MCF2L: variants seen among roughly 807,000 people sequenced by gnomAD.
MCF2L encodes MCF.2 cell line derived transforming sequence like.
MCF2L carries 97 observed loss-of-function variants against 153.4 expected under a neutral mutation model. The observed-to-expected ratio is 0.63, with a 90% CI of 0.54 to 0.75. The LOEUF is 0.75. Ranked by LOEUF, MCF2L falls within the 30% of genes least tolerant of loss-of-function variation. The probability of loss-of-function intolerance (pLI) is 0.00; values close to 1 mark genes in which losing one functional copy is unlikely to be tolerated. For synonymous variants in MCF2L, 659 were observed against 632.2 expected, an observed-to-expected ratio of 1.04 and a Z score of -0.64; for missense variants, 1,347 against 1,495.2, an observed-to-expected ratio of 0.90 and a Z score of 1.64.
intron 2 of MCF2L, among the ~76,000 whole-genome samples, chr13:112,918,072 C>T (rs1295984448): frequency 1.3e-5 from 2 of 152,208 alleles, no homozygotes; most frequent in Non-Finnish European, 2.9e-5. Flanking sequence ...TTTGTCTTCA[C>T]CTAGTTGGGT....
intron 1 of MCF2L, among the ~76,000 whole-genome samples, chr13:112,997,422 C>T (rs1156870764): frequency 6.6e-6 from 1 of 152,228 alleles, no homozygotes; most frequent in Admixed American, 6.5e-5. Flanking sequence ...TCACCCATAG[C>T]TGGGACCCCG....
At chr13:112,957,272 T>C (rs2081769736) in intron 2 of MCF2L, 1 of 152,244 alleles carries the variant, frequency 6.6e-6, no homozygotes, top group Non-Finnish European at 1.5e-5. Context: ...CTTGGCATTT[T>C]CTGGGGCCCC....
At position 113,035,708 on chromosome 13, in the gene MCF2L, T is replaced by C. The variant is rs998840518; in HGVS notation, c.279-9563T>C. ...CCTCCCCGCGAAGCTCCTTGGAGGATGGAGATTTTAAGGTCTTACTGTGGT... is the reference window on the plus strand; with the variant it reads ...CCTCCCCGCGAAGCTCCTTGGAGGACGGAGATTTTAAGGTCTTACTGTGGT... On this transcript the variant is annotated intron_variant, in intron 3 of 29. Transcript: ENST00000535094. The surrounding 1 kb of genome is among the most constrained non-coding windows in gnomAD (Gnocchi z 4.4). 3.3e-5 allele frequency among the ~76,000 whole-genome samples: 5 copies of C among 152,236 alleles called. No individual in the cohort carries two copies. The highest frequency in any genetic ancestry group is 1.2e-4 in the African/African-American group (5 of 41,552).
At chr13:112,973,346 A>G (rs2082115021) in intron 1 of MCF2L, among the ~76,000 whole-genome samples, 1 of 152,166 alleles carries the variant, frequency 6.6e-6, no homozygotes, top group African/African-American at 2.4e-5. Flanking sequence ...TGTAACATGA[A>G]ATTTAGGTCT....
chr13:113,091,244 C>T (rs949795281), intron 26 of MCF2L: 16 of 1,299,242 alleles, frequency 1.2e-5, no homozygotes, highest in Admixed American at 2.3e-5. Flanking sequence ...TGGCAGGAAG[C>T]GCGGCCCAGC....
At chr13:112,954,811 C>A (rs1385044549) in intron 2 of MCF2L, among the ~76,000 whole-genome samples, 1 of 152,208 alleles carries the variant, frequency 6.6e-6, no homozygotes, top group African/African-American at 2.4e-5. Context: ...AAGAGAAAAG[C>A]AATCCTGAAT....
chr13:112,899,941 C>T (rs555946821), intron 1 of MCF2L, among the ~76,000 whole-genome samples: 56 of 152,256 alleles, frequency 3.7e-4, no homozygotes, highest in Non-Finnish European at 4.7e-4. Flanking sequence ...AGAGAAACAG[C>T]GGAACAGCCC....
intron 13 of MCF2L, 62 bp downstream of exon 13, chr13:113,077,273 A>C: frequency 1.4e-6 from 2 of 1,441,258 alleles, no homozygotes; most frequent in Non-Finnish European, 1.8e-6. Context: ...CCGGGCGTTG[A>C]GAGCTTGGTA....
At chr13:112,939,715 C>T (rs976628661) in intron 2 of MCF2L, among the ~76,000 whole-genome samples, 7 of 152,326 alleles carry the variant, frequency 4.6e-5, no homozygotes, top group Middle Eastern at 3.4e-3. Context: ...CAGTGGCTCA[C>T]GCCTGTAATC....
intron 4 of MCF2L, among the ~76,000 whole-genome samples, chr13:113,056,921 C>T (rs1275731528): frequency 1.3e-3 from 51 of 38,968 alleles, no homozygotes; most frequent in African/African-American, 5.5e-3. Flanking sequence ...CTGAGTGTTT[C>T]GGCGCTGAGT....
intron 1 of MCF2L, chr13:113,002,111 G>T: frequency 8.7e-7 from 1 of 1,152,614 alleles, no homozygotes; most frequent in Non-Finnish European, 1.2e-6. Flanking sequence ...GCAGAAGCCC[G>T]GGGCTGGGGG....
Position 113,098,700 on chromosome 13 carries a change from A to G in MCF2L, c.*1841A>G, listed in dbSNP as rs1022613993. The G allele has an allele frequency of 1.3e-5, 2 of 152,388 alleles. No homozygotes were observed. Among genetic ancestry groups the G allele is most frequent in the East Asian group, 3.9e-4 (2 of 5,184 alleles). 9.4% of individuals were successfully genotyped at this position (152,388 alleles called of 1,614,324 possible). A position where few individuals can be genotyped will look rare whatever the true frequency, so the allele number is the denominator to read the frequency against. On this transcript the variant is annotated 3_prime_UTR_variant, in exon 30 of 30. Coordinates refer to ENST00000535094, the MANE Select transcript of MCF2L (RefSeq NM_001112732.3). ...CAGCGTGCGGCTCAGGCACCGAGCAACCGCTTTGCTTTCTTCTGTCAGACG... is the reference window on the plus strand; with the variant it reads ...CAGCGTGCGGCTCAGGCACCGAGCAGCCGCTTTGCTTTCTTCTGTCAGACG...
In MCF2L at chr13:113,070,405, C is replaced by G; in HGVS notation, c.996+232C>G. 1 of 357,144 alleles carries G rather than the reference C, an allele frequency of 2.8e-6. No individual in the cohort carries two copies. Among genetic ancestry groups the G allele is most frequent in the South Asian group, 4.0e-5 (1 of 25,248 alleles). The allele number at this position is 357,144 out of a possible 1,614,324, so 22.1% of individuals were successfully genotyped here. A position where few individuals can be genotyped will look rare whatever the true frequency, so the allele number is the denominator to read the frequency against. On this transcript the variant is annotated intron_variant, in intron 9 of 29. Transcript: ENST00000535094. This position sits in a 1 kb window ranked among gnomAD's most constrained non-coding sequence, Gnocchi z 5.6. ...AGAAAGGTGATTGAAAATCAGCTCA[C>G]TGGGATGCACTTACACTGCATTATT...
intron 2 of MCF2L, among the ~76,000 whole-genome samples, chr13:112,942,932 G>A (rs908780411): frequency 6.6e-6 from 1 of 152,210 alleles, no homozygotes; most frequent in Non-Finnish European, 1.5e-5. Flanking sequence ...CAGCACCCTC[G>A]TGAGCTGCTG....
chr13:112,964,588 C>T (rs2081870960), upstream of MCF2L, among the ~76,000 whole-genome samples: 1 of 152,244 alleles, frequency 6.6e-6, no homozygotes, highest in Admixed American at 6.5e-5. Context: ...GAGAAACAAT[C>T]AGATGTGAGA....
chr13:112,895,195 G>T (rs1305634436), intron 1 of MCF2L, among the ~76,000 whole-genome samples: 1 of 152,130 alleles, frequency 6.6e-6, no homozygotes, highest in Non-Finnish European at 1.5e-5. Context: ...GATGCTGCGG[G>T]AGGGCTGGGC....
At chr13:112,994,364 A>G (rs1011048432) in intron 1 of MCF2L, among the ~76,000 whole-genome samples, 3 of 146,554 alleles carry the variant, frequency 2.0e-5, no homozygotes, top group South Asian at 2.2e-4. Flanking sequence ...GTGGCTGCCA[A>G]TGGGGCAAGG....
At chr13:112,903,118 G>A (rs1316375864) in intron 2 of MCF2L, among the ~76,000 whole-genome samples, 2 of 152,244 alleles carry the variant, frequency 1.3e-5, no homozygotes, top group Admixed American at 6.5e-5. Context: ...GAGGGCAGGC[G>A]TGGATTTGAT....
At position 113,064,252 on chromosome 13, in the gene MCF2L, T is replaced by A; in HGVS notation, c.490-52T>A. The A allele has an allele frequency of 7.4e-7, 1 of 1,348,806 alleles. No homozygotes were observed. The highest frequency in any genetic ancestry group is 1.2e-5 in the South Asian group (1 of 85,744). 83.6% of individuals were successfully genotyped at this position (1,348,806 alleles called of 1,614,324 possible). ...TGTTCTGCTGATGGGGCAGCTCTTT[T>A]GGGAGCCAACAATAATCCCAAACAC... On this transcript the variant is annotated intron_variant, in intron 5 of 29. Coordinates refer to ENST00000535094, the MANE Select transcript of MCF2L (RefSeq NM_001112732.3). This position sits in a 1 kb window ranked among gnomAD's most constrained non-coding sequence, Gnocchi z 6.0.
Sources: allele counts gnomAD v4.1 joint callset (sites outside exome capture counted in the v4.1 genomes callset), GRCh38; gene constraint gnomAD v4.1.1; non-coding constraint Gnocchi (gnomAD v3.1); transcripts MANE v1.5; gene names NCBI Gene and HGNC (gene_info 2026-07-23, HGNC 2026-07-21).